Variants in FAM200B observed in about 807,000 individuals in gnomAD.
FAM200B encodes protein FAM200B.
In FAM200B, 32 loss-of-function variants were observed where a neutral mutation model predicts 33.1. The observed-to-expected ratio is 0.97, with a 90% CI of 0.73 to 1.30. The LOEUF is 1.30. Among genes scored for constraint, FAM200B ranks in the 50% most tolerant of loss-of-function variants. The probability of loss-of-function intolerance (pLI) is 0.00; values close to 1 mark genes in which losing one functional copy is unlikely to be tolerated. For missense variants in FAM200B, 741 were observed against 754.0 expected (o/e 0.98, Z 0.20); for synonymous variants, 240 against 264.8 (o/e 0.91, Z 0.91).
the FAM200B span, among the ~76,000 whole-genome samples, chr4:15,652,798 C>A: frequency 6.6e-6 from 1 of 152,084 alleles, no homozygotes; most frequent in Non-Finnish European, 1.5e-5. Flanking sequence ...GCATTCAGAG[C>A]CCAAATTTGT....
the FAM200B span, among the ~76,000 whole-genome samples, chr4:15,654,372 G>A: frequency 0.015 from 2,254 of 152,264 alleles, 56 homozygotes; most frequent in African/African-American, 0.051. Context: ...CACTAGCAAA[G>A]GGCCCTGAAC....
chr4:15,637,596 A>AT, the FAM200B span, among the ~76,000 whole-genome samples: 2 of 152,198 alleles, frequency 1.3e-5, no homozygotes, highest in African/African-American at 4.8e-5. Context: ...ATAAAATGTA[A>AT]TAAGTGTGAT....
At chr4:15,654,001 T>A in the FAM200B span, among the ~76,000 whole-genome samples, 1 of 152,204 alleles carries the variant, frequency 6.6e-6, no homozygotes, top group Admixed American at 6.5e-5. Context: ...GAACTGGGTG[T>A]TTCTAAATTT....
At chr4:15,669,174 C>G in the FAM200B span, among the ~76,000 whole-genome samples, 1 of 152,094 alleles carries the variant, frequency 6.6e-6, no homozygotes, top group East Asian at 1.9e-4. Flanking sequence ...TGTCACTGCC[C>G]AAACATCTGA....
At chr4:15,674,654 GTTT>G in the FAM200B span, among the ~76,000 whole-genome samples, 1 of 142,042 alleles carries the variant, frequency 7.0e-6, no homozygotes, top group Admixed American at 7.0e-5. Flanking sequence ...GGATTTTTGG[GTTT>G]TTTTTTTTTT....
chr4:15,645,019 C>T, the FAM200B span, among the ~76,000 whole-genome samples: 1 of 152,080 alleles, frequency 6.6e-6, no homozygotes, highest in Non-Finnish European at 1.5e-5. Flanking sequence ...TTTCATTACT[C>T]TATATGTATG....
chr4:15,682,444 A>G (rs999561314), intron 1 of FAM200B, among the ~76,000 whole-genome samples: 7 of 152,312 alleles, frequency 4.6e-5, no homozygotes, highest in Admixed American at 4.6e-4. Context: ...TGATTATATA[A>G]GTGATTGAAG....
At chr4:15,648,653 G>T in the FAM200B span, among the ~76,000 whole-genome samples, 10 of 152,144 alleles carry the variant, frequency 6.6e-5, no homozygotes, top group Non-Finnish European at 1.5e-4. Flanking sequence ...ACTATATATG[G>T]AATCTAAAGT....
the FAM200B span, among the ~76,000 whole-genome samples, chr4:15,674,850 C>T: frequency 6.6e-6 from 1 of 152,060 alleles, no homozygotes; most frequent in Non-Finnish European, 1.5e-5. Context: ...GGGGTTTCAC[C>T]GTGTTAGCCA....
chr4:15,644,680 T>C, the FAM200B span: 2 of 1,609,668 alleles, frequency 1.2e-6, no homozygotes, highest in Admixed American at 1.7e-5. Flanking sequence ...ACGGAAATCG[T>C]TGTTGTTGGA....
the FAM200B span, among the ~76,000 whole-genome samples, chr4:15,649,928 A>G: frequency 6.6e-6 from 1 of 152,212 alleles, no homozygotes; most frequent in African/African-American, 2.4e-5. Context: ...CTAAAACTCT[A>G]ACATCTATGA....
the FAM200B span, among the ~76,000 whole-genome samples, chr4:15,664,749 A>G: frequency 0.63 from 95,133 of 151,146 alleles, 30,054 homozygotes; most frequent in Non-Finnish European, 0.65. Flanking sequence ...AGTAGAGGCG[A>G]GGTTTCACCA....
chr4:15,652,141 T>C, the FAM200B span, among the ~76,000 whole-genome samples: 1 of 152,140 alleles, frequency 6.6e-6, no homozygotes, highest in Non-Finnish European at 1.5e-5. Flanking sequence ...CTTGGAGAAC[T>C]GGAGAAAAGA....
At chr4:15,686,152 G>A (rs563369552) in intron 1 of FAM200B, 84 bp from the exon 2 acceptor site, 1 of 152,274 alleles carries the variant, frequency 6.6e-6, no homozygotes, top group Non-Finnish European at 1.5e-5. Flanking sequence ...TATGATCTTG[G>A]ATATCATAAA....
At chr4:15,664,516 A>T in the FAM200B span, among the ~76,000 whole-genome samples, 1 of 149,082 alleles carries the variant, frequency 6.7e-6, no homozygotes, top group Non-Finnish European at 1.5e-5. Flanking sequence ...TGACATAAAC[A>T]TATCTTTTTC....
At chr4:15,649,989 T>C in the FAM200B span, among the ~76,000 whole-genome samples, 1 of 152,152 alleles carries the variant, frequency 6.6e-6, no homozygotes, top group East Asian at 1.9e-4. Context: ...TCTTTTCAGA[T>C]ACAAGAGAGT....
chr4:15,661,709 C>T, the FAM200B span, among the ~76,000 whole-genome samples: 1 of 152,082 alleles, frequency 6.6e-6, no homozygotes, highest in Non-Finnish European at 1.5e-5. Flanking sequence ...GGCTTAAGCA[C>T]CCTTTAAAAC....
the FAM200B span, chr4:15,655,524 CTT>C: frequency 3.4e-5 from 11 of 325,882 alleles, no homozygotes; most frequent in African/African-American, 2.0e-4. Context: ...CGCCCCCACT[CTT>C]TTCGTTTTTT....
chr4:15,663,270 C>T, the FAM200B span, among the ~76,000 whole-genome samples: 3 of 152,246 alleles, frequency 2.0e-5, no homozygotes, highest in South Asian at 6.2e-4. Context: ...CTAAGTACTC[C>T]ACTGCATGGG....
Sources: gnomAD v4.1 joint callset for allele counts (sites outside exome capture counted in the v4.1 genomes callset) on GRCh38, gnomAD v4.1.1 for gene constraint, MANE v1.5 for transcripts, NCBI Gene and HGNC (gene_info 2026-07-23, HGNC 2026-07-21) for gene names.